The following NEO1 variants were observed in gnomAD, a reference collection of about 807,000 sequenced individuals.
The protein encoded by NEO1 is neogenin 1, also known as neogenin.
A neutral mutation model predicts 159.7 loss-of-function variants in NEO1; 63 were observed. The ratio of observed to expected loss-of-function variants is 0.39; its 90% CI spans 0.32 to 0.49. NEO1 has a LOEUF of 0.49. Among genes scored for constraint, NEO1 ranks in the 20% least tolerant of loss-of-function variants. The probability of loss-of-function intolerance (pLI) is 0.85; values close to 1 mark genes in which losing one functional copy is unlikely to be tolerated. For synonymous variants in NEO1, 633 were observed against 662.0 expected, an observed-to-expected ratio of 0.96 and a Z score of 0.67; for missense variants, 1,615 against 1,831.0, an observed-to-expected ratio of 0.88 and a Z score of 2.15.
chr15:73,177,172 C>T, intron 6 of NEO1, among the ~76,000 whole-genome samples: 1 of 151,884 alleles, frequency 6.6e-6, no homozygotes, highest in East Asian at 1.9e-4. Flanking sequence ...TTTTACTATA[C>T]TTTATATATA....
At chr15:73,185,551 C>G (rs2035872125) in intron 7 of NEO1, among the ~76,000 whole-genome samples, 1 of 152,132 alleles carries the variant, frequency 6.6e-6, no homozygotes, top group South Asian at 2.1e-4. Flanking sequence ...AATGGTACAG[C>G]CATTTTCGAA....
intron 15 of NEO1, among the ~76,000 whole-genome samples, chr15:73,265,745 G>A (rs2040855726): frequency 6.6e-6 from 1 of 152,174 alleles, no homozygotes; most frequent in African/African-American, 2.4e-5. Context: ...TAGGGAGTGG[G>A]TGGGCCGCCA....
chr15:73,074,532 A>G (rs1031126228), intron 1 of NEO1, among the ~76,000 whole-genome samples: 3 of 152,190 alleles, frequency 2.0e-5, no homozygotes, highest in African/African-American at 7.2e-5. Context: ...GTTAGAAGTG[A>G]CTTCATATAA....
chr15:73,092,505 A>G (rs1270172250), intron 1 of NEO1, among the ~76,000 whole-genome samples: 2 of 152,152 alleles, frequency 1.3e-5, no homozygotes, highest in African/African-American at 4.8e-5. Context: ...GTTTCATTGA[A>G]AATGTTCATT....
intron 8 of NEO1, among the ~76,000 whole-genome samples, chr15:73,239,394 G>A (rs907435463): frequency 9.9e-5 from 15 of 152,044 alleles, no homozygotes; most frequent in South Asian, 2.1e-4. Flanking sequence ...ATACAAACAC[G>A]TTTATTTATA....
Position 73,244,362 on chromosome 15 carries a change from C to T in NEO1, c.1470C>T (p.Thr490=). The T allele has an allele frequency of 6.2e-7, 1 of 1,613,134 alleles. No homozygotes were observed. The highest frequency in any genetic ancestry group is 8.5e-7 in the Non-Finnish European group (1 of 1,179,482). Residue 490 remains threonine (T), a synonymous_variant, in exon 9 of 29, where the codon ACC becomes ACT. Transcript: ENST00000261908. ...TCTAAAGGGAACGTGTTGAGAATAC[C>T]AGTCACCCAGGAGAGATGCAAGTAA... ...EGIARERVEN[T]SHPGEMQVTI... is the part of the protein sequence containing the mutation.
At chr15:73,108,544 TAAAAC>T (rs1347267135) in intron 1 of NEO1, among the ~76,000 whole-genome samples, 1 of 151,748 alleles carries the variant, frequency 6.6e-6, no homozygotes. Flanking sequence ...TGAAAAAGGA[TAAAAC>T]AAAACAACAA....
rs1421186096 is a variant in NEO1 at position 73,270,298 on chromosome 15, A to G, written c.2719-18A>G. Reference sequence around the variant, plus strand: ...TGATACTTTCTAATTTTAAAGTCTCAATTCATGTTTTTTTCAGAATGCAAA... The same window carrying G: ...TGATACTTTCTAATTTTAAAGTCTCGATTCATGTTTTTTTCAGAATGCAAA... On this transcript the variant is annotated intron_variant, in intron 17 of 28. Transcript: ENST00000261908. The G allele has an allele frequency of 9.3e-6, 15 of 1,613,918 alleles. No individual in the cohort carries two copies. Among genetic ancestry groups the G allele is most frequent in the Non-Finnish European group, 1.3e-5 (15 of 1,179,958 alleles).
Position 73,293,419 on chromosome 15 carries a change from C to T in NEO1, c.3772C>T (p.Leu1258Phe). 1 of 1,614,164 alleles carries T rather than the reference C, an allele frequency of 6.2e-7. No individual in the cohort carries two copies. Among genetic ancestry groups the T allele is most frequent in the Non-Finnish European group, 8.5e-7 (1 of 1,180,020 alleles). ...GATTAGTGCCCATCCCATCCATTCC[C>T]TCGATAACCCTCACCATCATTTCCA... ...PVISAHPIHS[L>F]DNPHHHFHSS... Residue 1258 changes from leucine (L) to phenylalanine (F), a missense_variant, in exon 26 of 29, where the codon CTC becomes TTC. By Grantham distance (22) the Leu-to-Phe change is conservative. Around this residue, in one of 3 missense-constraint regions of NEO1, gnomAD observed 471 missense variants for 498.9 expected, o/e 0.94. Transcript: ENST00000261908.
At chr15:73,138,274 G>A (rs922744457) in intron 5 of NEO1, among the ~76,000 whole-genome samples, 2 of 152,132 alleles carry the variant, frequency 1.3e-5, no homozygotes, top group Non-Finnish European at 2.9e-5. Flanking sequence ...GGACAATAGC[G>A]TAATCTTTTT....
At chr15:73,231,828 T>C (rs1165775567) in intron 7 of NEO1, among the ~76,000 whole-genome samples, 1 of 152,156 alleles carries the variant, frequency 6.6e-6, no homozygotes, top group Non-Finnish European at 1.5e-5. Flanking sequence ...CTGCCATGAG[T>C]AATAAAGTTC....
intron 7 of NEO1, among the ~76,000 whole-genome samples, chr15:73,220,180 T>A (rs2038152584): frequency 2.6e-5 from 4 of 152,214 alleles, no homozygotes; most frequent in Non-Finnish European, 5.9e-5. Context: ...CCTTCACTTA[T>A]GAAGTTTAGT....
intron 1 of NEO1, among the ~76,000 whole-genome samples, chr15:73,091,098 C>T (rs2069664459): frequency 1.3e-5 from 2 of 152,192 alleles, no homozygotes; most frequent in South Asian, 2.1e-4. Flanking sequence ...TTATCCACTA[C>T]TATTACTACC....
intron 7 of NEO1, among the ~76,000 whole-genome samples, chr15:73,219,168 A>G (rs1057288939): frequency 4.6e-5 from 7 of 151,734 alleles, no homozygotes; most frequent in African/African-American, 1.7e-4. Context: ...TTCTGCCTTC[A>G]TTTCGTTATG....
At chr15:73,278,312 G>T (rs779640241) in intron 22 of NEO1, 113 bp downstream of exon 22, 65 of 835,410 alleles carry the variant, frequency 7.8e-5, no homozygotes, top group Non-Finnish European at 1.1e-4. Context: ...ATATTAGCCT[G>T]TTTTCTTTTA....
intron 2 of NEO1, 140 bp downstream of exon 2, chr15:73,116,997 C>T (rs2071363943): frequency 1.5e-6 from 1 of 673,734 alleles, no homozygotes. Context: ...TGTGCATATA[C>T]TCTGCGTATG....
intron 25 of NEO1, among the ~76,000 whole-genome samples, chr15:73,290,966 G>A (rs1463438562): frequency 6.6e-6 from 1 of 152,144 alleles, no homozygotes; most frequent in Non-Finnish European, 1.5e-5. Context: ...TAAGATACTG[G>A]ATTACAAAAA....
chr15:73,268,814 G>T (rs890653428), intron 16 of NEO1, among the ~76,000 whole-genome samples: 1 of 152,156 alleles, frequency 6.6e-6, no homozygotes, highest in Non-Finnish European at 1.5e-5. Context: ...CCTCAGAGAA[G>T]GTGTCTGTTG....
intron 5 of NEO1, among the ~76,000 whole-genome samples, chr15:73,138,941 A>G (rs2032102435): frequency 6.6e-6 from 1 of 152,138 alleles, no homozygotes; most frequent in Non-Finnish European, 1.5e-5. Context: ...CGAGGCTTAT[A>G]AAAAGCTGTG....
Sources: allele counts gnomAD v4.1 joint callset (sites outside exome capture counted in the v4.1 genomes callset), GRCh38; gene constraint gnomAD v4.1.1; regional missense constraint gnomAD v4.1.1; transcripts MANE v1.5; gene names NCBI Gene and HGNC (gene_info 2026-07-23, HGNC 2026-07-21).